The following SLC30A9 variants were observed in gnomAD, a reference collection of about 807,000 sequenced individuals.
SLC30A9 encodes the protein proton-coupled zinc antiporter SLC30A9, mitochondrial.
SLC30A9 carries 58 observed loss-of-function variants against 87.5 expected under a neutral mutation model. The ratio of observed to expected loss-of-function variants is 0.66; its 90% CI spans 0.54 to 0.82. The LOEUF is 0.82. Ranked by LOEUF, SLC30A9 falls within the 40% of genes least tolerant of loss-of-function variation. The pLI is 0.00. For missense variants in SLC30A9, 557 were observed against 679.1 expected, an observed-to-expected ratio of 0.82 and a Z score of 2.00; for synonymous variants, 234 against 233.0, an observed-to-expected ratio of 1.00 and a Z score of -0.04.
chr4:42,034,634 A>G (rs1023692121), intron 6 of SLC30A9, among the ~76,000 whole-genome samples: 1 of 152,224 alleles, frequency 6.6e-6, no homozygotes, highest in Non-Finnish European at 1.5e-5. Flanking sequence ...ATACTCCATC[A>G]TCATATGTAT....
intron 8 of SLC30A9, among the ~76,000 whole-genome samples, chr4:42,045,991 A>T (rs994990171): frequency 2.6e-5 from 4 of 152,248 alleles, no homozygotes; most frequent in African/African-American, 9.6e-5. Context: ...CCAAATGATT[A>T]TCTCAGTAGT....
chr4:41,993,981 A>T (rs1714575493), intron 1 of SLC30A9, among the ~76,000 whole-genome samples: 1 of 152,094 alleles, frequency 6.6e-6, no homozygotes. Flanking sequence ...ACATGGTGAA[A>T]CCCCATCTCT....
At chr4:42,067,415 A>G (rs1332661762) in intron 14 of SLC30A9, among the ~76,000 whole-genome samples, 1 of 152,206 alleles carries the variant, frequency 6.6e-6, no homozygotes, top group Non-Finnish European at 1.5e-5. Context: ...GGCTATTTGT[A>G]AAGGATTTCT....
intron 3 of SLC30A9, among the ~76,000 whole-genome samples, chr4:42,018,800 T>C (rs1340055779): frequency 5.3e-5 from 8 of 152,184 alleles, no homozygotes; most frequent in Non-Finnish European, 2.9e-5. Flanking sequence ...TTTTCTAGGG[T>C]AACTTTGATT....
chr4:42,064,030 A>T (rs1016458359), intron 11 of SLC30A9, among the ~76,000 whole-genome samples: 5 of 152,146 alleles, frequency 3.3e-5, no homozygotes, highest in African/African-American at 1.2e-4. Context: ...TACTCTGCTG[A>T]TACAGCCAAT....
In SLC30A9 at chr4:42,060,210, T is replaced by A; in HGVS notation, c.860T>A (p.Ile287Asn). ...TCNQGLLALG[I>N]SKSVQTPDPS... ...TCATAGGGTTTACTAGCATTGGGCA[T>A]CAGTAAGTCTGTTCAAACACCAGAT... Residue 287 changes from isoleucine to asparagine, a missense_variant, in exon 10 of 18, where the codon ATC becomes AAC. Physicochemically the swap from Ile to Asn is moderately radical, Grantham distance 149 (BLOSUM62 -3). Transcript: ENST00000264451. 4.3e-6 allele frequency: 7 copies of A among 1,612,630 alleles called. No individual in the cohort carries two copies. The highest frequency in any genetic ancestry group is 5.9e-6 in the Non-Finnish European group (7 of 1,178,998).
intron 2 of SLC30A9, among the ~76,000 whole-genome samples, chr4:42,003,132 A>G (rs1354134883): frequency 6.6e-6 from 1 of 152,160 alleles, no homozygotes; most frequent in Non-Finnish European, 1.5e-5. Flanking sequence ...TTGTAAATTT[A>G]CAGATAGATG....
chr4:42,012,203 C>G (rs1352104464), intron 2 of SLC30A9, among the ~76,000 whole-genome samples: 1 of 152,046 alleles, frequency 6.6e-6, no homozygotes, highest in African/African-American at 2.4e-5. Context: ...ACGAAACAAC[C>G]CAACTTAAAA....
chr4:42,033,473 C>T (rs1716533998), intron 6 of SLC30A9, among the ~76,000 whole-genome samples: 1 of 151,948 alleles, frequency 6.6e-6, no homozygotes, highest in Admixed American at 6.6e-5. Context: ...GACCATTTTC[C>T]TTACCAAAAA....
At position 42,041,279 on chromosome 4, in the gene SLC30A9, G is replaced by A. The variant is rs572674256; in HGVS notation, c.737+2226G>A. On this transcript the variant is annotated intron_variant, in intron 8 of 17. Transcript: ENST00000264451. ...TCAAGGAGTGTCAAGAAAGCCAAGG[G>A]AAGAAGCGTTTGTTTTTTTTTTGTG... Among the ~76,000 whole-genome samples, 15 of 152,182 alleles carry A rather than the reference G, an allele frequency of 9.9e-5. No individual in the cohort carries two copies. In the South Asian group the frequency reaches 3.1e-3, roughly 32 times the overall value.
At chr4:41,991,191 T>C (rs1182721592) in intron 1 of SLC30A9, among the ~76,000 whole-genome samples, 2 of 152,256 alleles carry the variant, frequency 1.3e-5, no homozygotes, top group Non-Finnish European at 2.9e-5. Context: ...TTTTTCTTAC[T>C]CTCCCAACTT....
At chr4:42,001,365 A>G (rs1714975973) in intron 1 of SLC30A9, among the ~76,000 whole-genome samples, 1 of 152,034 alleles carries the variant, frequency 6.6e-6, no homozygotes, top group Admixed American at 6.6e-5. Context: ...AAGAGTATCT[A>G]TTATGTACTA....
At chr4:42,041,745 T>C (rs1178067226) in intron 8 of SLC30A9, among the ~76,000 whole-genome samples, 1 of 152,066 alleles carries the variant, frequency 6.6e-6, no homozygotes, top group Non-Finnish European at 1.5e-5. Context: ...AAAAAATAAA[T>C]AGCCAGCTAG....
chr4:42,080,563 C>G (rs181180673), intron 17 of SLC30A9, among the ~76,000 whole-genome samples: 1 of 152,298 alleles, frequency 6.6e-6, no homozygotes, highest in African/African-American at 2.4e-5. Context: ...TATTGAGGCT[C>G]CATAGTTGAC....
At chr4:42,080,223 T>C (rs111515130) in intron 17 of SLC30A9, among the ~76,000 whole-genome samples, 231 of 152,310 alleles carry the variant, frequency 1.5e-3, no homozygotes, top group African/African-American at 5.3e-3. Context: ...GGGCACAGTC[T>C]ACAAGACTGT....
intron 8 of SLC30A9, among the ~76,000 whole-genome samples, chr4:42,040,788 T>A: frequency 2.6e-5 from 2 of 75,498 alleles, no homozygotes; most frequent in Admixed American, 2.0e-4. Flanking sequence ...AGAGCCAGAC[T>A]CTGTCTCAAA....
intron 6 of SLC30A9, 40 bp from the exon 7 acceptor site, chr4:42,035,235 A>G (rs1334764383): frequency 6.4e-7 from 1 of 1,561,938 alleles, no homozygotes; most frequent in East Asian, 2.3e-5. Flanking sequence ...GTGACTGGTA[A>G]GAATATCTAT....
chr4:42,022,709 C>T, intron 4 of SLC30A9, 129 bp from the exon 5 acceptor site: 1 of 478,156 alleles, frequency 2.1e-6, no homozygotes, highest in Non-Finnish European at 3.8e-6. Flanking sequence ...TCTTTAAAAG[C>T]CATTCACATC....
At chr4:42,019,782 TTTTA>T (rs1175974464) in intron 3 of SLC30A9, among the ~76,000 whole-genome samples, 1 of 151,990 alleles carries the variant, frequency 6.6e-6, no homozygotes, top group Non-Finnish European at 1.5e-5. Flanking sequence ...TACTCTGTTA[TTTTA>T]TTTATTTATT....
Sources: allele counts gnomAD v4.1 joint callset (sites outside exome capture counted in the v4.1 genomes callset), GRCh38; gene constraint gnomAD v4.1.1; transcripts MANE v1.5; gene names NCBI Gene and HGNC (gene_info 2026-07-23, HGNC 2026-07-21).